Variants in RABEP1 observed in about 807,000 individuals in gnomAD.
RABEP1 encodes the protein rabaptin, RAB GTPase binding effector protein 1.
Under a neutral mutation model 123.4 loss-of-function variants are expected in RABEP1, and 51 were observed. The ratio of observed to expected loss-of-function variants is 0.41; its 90% CI spans 0.33 to 0.52. RABEP1 has a LOEUF of 0.52. Among genes scored for constraint, RABEP1 ranks in the 20% least tolerant of loss-of-function variants. The pLI is 0.16. For synonymous variants in RABEP1, 347 were observed against 355.2 expected, an observed-to-expected ratio of 0.98 and a Z score of 0.26; for missense variants, 888 against 996.3, an observed-to-expected ratio of 0.89 and a Z score of 1.46.
At chr17:5,327,016 T>C (rs1245105796) in intron 2 of RABEP1, among the ~76,000 whole-genome samples, 1 of 152,204 alleles carries the variant, frequency 6.6e-6, no homozygotes, top group Admixed American at 6.5e-5. Context: ...TACTGAATGC[T>C]GTAAGCAGTT....
chr17:5,293,980 A>G (rs1427189850), intron 1 of RABEP1, among the ~76,000 whole-genome samples: 1 of 152,142 alleles, frequency 6.6e-6, no homozygotes, highest in Non-Finnish European at 1.5e-5. Flanking sequence ...ATTATTTTAT[A>G]ATTACAGATA....
intron 1 of RABEP1, among the ~76,000 whole-genome samples, chr17:5,292,827 A>T (rs1020906081): frequency 3.3e-5 from 5 of 152,074 alleles, no homozygotes; most frequent in African/African-American, 1.2e-4. Flanking sequence ...GACTACAGGC[A>T]TGCACCACCA....
At chr17:5,308,853 T>C (rs927458698) in intron 2 of RABEP1, 31 bp downstream of exon 2, 6 of 1,553,500 alleles carry the variant, frequency 3.9e-6, no homozygotes, top group Admixed American at 1.9e-5. Flanking sequence ...CCAACTTCAA[T>C]GCGAAAACTG....
rs1280230938 is a variant in RABEP1 at position 5,351,641 on chromosome 17, TAAG to T, written c.963+1018_963+1020del. 7.9e-5 allele frequency among the ~76,000 whole-genome samples: 12 copies of T among 152,008 alleles called. No individual in the cohort carries two copies. In the East Asian group the frequency reaches 2.1e-3, roughly 27 times the overall value. On this transcript the variant is annotated intron_variant, in intron 7 of 17. Coordinates refer to ENST00000537505, the MANE Select transcript of RABEP1 (RefSeq NM_004703.6). ...TGAGACTCTGTTTCTACAATAATAA[TAAG>T]AAGAATAATTAGCTGGGCATGGTGG...
At chr17:5,354,552 T>C (rs1908853962) in intron 8 of RABEP1, 62 bp downstream of exon 8, 2 of 1,459,416 alleles carry the variant, frequency 1.4e-6, no homozygotes, top group Non-Finnish European at 1.9e-6. Flanking sequence ...AGCTTACTCA[T>C]ACATCAGTTA....
At chr17:5,339,449 C>G (rs929468496) in intron 5 of RABEP1, among the ~76,000 whole-genome samples, 1 of 152,114 alleles carries the variant, frequency 6.6e-6, no homozygotes, top group Non-Finnish European at 1.5e-5. Flanking sequence ...GTTGAAGTTG[C>G]AGTGAACCAT....
At chr17:5,354,541 T>G in intron 8 of RABEP1, 51 bp downstream of exon 8, 1 of 1,529,772 alleles carries the variant, frequency 6.5e-7, no homozygotes, top group Non-Finnish European at 8.8e-7. Flanking sequence ...TCAACAATTT[T>G]AGCTTACTCA....
At chr17:5,367,787 C>T (rs986706749) in intron 11 of RABEP1, among the ~76,000 whole-genome samples, 2 of 150,062 alleles carry the variant, frequency 1.3e-5, no homozygotes, top group Non-Finnish European at 3.0e-5. Context: ...TGGAGTTTTG[C>T]TCTTGTTGCC....
At chr17:5,331,027 C>CTTT (rs1187502263) in intron 2 of RABEP1, among the ~76,000 whole-genome samples, 10 of 87,046 alleles carry the variant, frequency 1.1e-4, no homozygotes, top group Admixed American at 1.4e-4. Context: ...TATCTCTTAA[C>CTTT]TTTTTTTTTT....
At chr17:5,288,125 A>G (rs186520553) in intron 1 of RABEP1, among the ~76,000 whole-genome samples, 20 of 152,192 alleles carry the variant, frequency 1.3e-4, no homozygotes, top group Admixed American at 3.9e-4. Context: ...GATGAACACA[A>G]TGCTATGAAT....
chr17:5,363,653 G>C (rs1279714532), intron 10 of RABEP1, among the ~76,000 whole-genome samples: 1 of 152,200 alleles, frequency 6.6e-6, no homozygotes, highest in African/African-American at 2.4e-5. Context: ...ATGATATGGA[G>C]ATCTCAGGGA....
Position 5,310,895 on chromosome 17 carries a change from C to T in RABEP1, c.163+2073C>T, listed in dbSNP as rs778373328. Among the ~76,000 whole-genome samples, 9 of 151,472 alleles carry T rather than the reference C, an allele frequency of 5.9e-5. No homozygotes were observed. In the South Asian group the frequency reaches 6.3e-4, roughly 11 times the overall value. On this transcript the variant is annotated intron_variant, in intron 2 of 17. Coordinates refer to ENST00000537505, the MANE Select transcript of RABEP1 (RefSeq NM_004703.6). ...TGTGATCTTGGCTCACTGCAACCTC[C>T]GCCTCCTGGGTTCAAGCGACTCTTG...
chr17:5,332,164 G>GA lies in RABEP1; in HGVS notation c.367+15dup. The GA allele has an allele frequency of 6.2e-7, 1 of 1,608,778 alleles. No homozygotes were observed. Among genetic ancestry groups the GA allele is most frequent in the Non-Finnish European group, 8.5e-7 (1 of 1,176,924 alleles). ...GGCTGTTATGAAAGGTAAAGACAGA[G>GA]AAAGATCAATTTTGTGATTTTCTAA... is the stretch of plus-strand genomic sequence containing the variant. On this transcript the variant is annotated intron_variant, in intron 3 of 17. Transcript: ENST00000537505.
chr17:5,359,717 TAAC>T (rs980743673), intron 8 of RABEP1, among the ~76,000 whole-genome samples: 11 of 152,330 alleles, frequency 7.2e-5, no homozygotes, highest in African/African-American at 2.2e-4. Flanking sequence ...AGCTTGCCAG[TAAC>T]AACAACTGTA....
rs1345325120 is a variant in RABEP1, at chr17:5,346,839, A to G, written c.698A>G (p.Asp233Gly). Residue 233 changes from aspartate to glycine, a missense_variant, in exon 6 of 18, where the codon GAT becomes GGT. By Grantham distance (94) the Asp-to-Gly change is moderately conservative. Coordinates refer to ENST00000537505, the MANE Select transcript of RABEP1 (RefSeq NM_004703.6). The stretch of plus-strand genomic sequence containing the variant: ...GAAGCTGAGAAATCTTGTAGGACTG[A>G]TCTAGAGATGTATGTAGCTGTTTTG... ...YLEAEKSCRT[D>G]LEMYVAVLNT... The G allele has an allele frequency of 6.2e-7, 1 of 1,610,162 alleles. No homozygotes were observed. The highest frequency in any genetic ancestry group is 1.1e-5 in the South Asian group (1 of 90,520).
chr17:5,352,957 C>A (rs987241534), intron 7 of RABEP1, among the ~76,000 whole-genome samples: 1 of 152,166 alleles, frequency 6.6e-6, no homozygotes, highest in African/African-American at 2.4e-5. Flanking sequence ...ATCTTTATGT[C>A]AAGTGGTTAT....
At chr17:5,321,402 C>T (rs1386867035) in intron 2 of RABEP1, among the ~76,000 whole-genome samples, 1 of 152,196 alleles carries the variant, frequency 6.6e-6, no homozygotes, top group African/African-American at 2.4e-5. Context: ...GTGATTGTGC[C>T]ACAGCACTCC....
intron 17 of RABEP1, 101 bp downstream of exon 17, chr17:5,381,606 G>C (rs1911461974): frequency 6.8e-7 from 1 of 1,479,412 alleles, no homozygotes; most frequent in African/African-American, 1.4e-5. Context: ...TAGAGGTTTA[G>C]AGACTGGCTG....
chr17:5,342,188 G>A (rs1185175094), intron 5 of RABEP1, among the ~76,000 whole-genome samples: 2 of 151,110 alleles, frequency 1.3e-5, no homozygotes, highest in Non-Finnish European at 2.9e-5. Flanking sequence ...ATGCAGTGGT[G>A]GAAAAAAGAT....
Sources: allele counts gnomAD v4.1 joint callset (sites outside exome capture counted in the v4.1 genomes callset), GRCh38; gene constraint gnomAD v4.1.1; transcripts MANE v1.5; gene names NCBI Gene and HGNC (gene_info 2026-07-23, HGNC 2026-07-21).